Variants in ACKR3 observed in about 807,000 individuals in gnomAD.
ACKR3 encodes the protein atypical chemokine receptor 3.
In ACKR3, 6 loss-of-function variants were observed where a neutral mutation model predicts 22.4. The observed-to-expected ratio is 0.27, with a 90% confidence interval of 0.15 to 0.53. ACKR3 has a LOEUF of 0.53. ACKR3 is among the 20% of genes least tolerant of loss of function. The pLI is 0.96. For missense variants in ACKR3, 396 were observed against 475.2 expected, an observed-to-expected ratio of 0.83 and a Z score of 1.55; for synonymous variants, 209 against 205.2, an observed-to-expected ratio of 1.02 and a Z score of -0.16.
At chr2:236,541,986 G>C in the ACKR3 span, among the ~76,000 whole-genome samples, 2 of 152,024 alleles carry the variant, frequency 1.3e-5, no homozygotes, top group Non-Finnish European at 2.9e-5. Context: ...ACAGTCTTGA[G>C]TATGTCTTTA....
chr2:236,545,144 G>A, the ACKR3 span, among the ~76,000 whole-genome samples: 2 of 152,274 alleles, frequency 1.3e-5, no homozygotes, highest in African/African-American at 2.4e-5. This position sits in a 1 kb window ranked among gnomAD's most constrained non-coding sequence, Gnocchi z 5.3. Flanking sequence ...GGGACACCCC[G>A]GGTCCTTTCT....
the ACKR3 span, among the ~76,000 whole-genome samples, chr2:236,542,222 T>C: frequency 6.6e-6 from 1 of 152,250 alleles, no homozygotes; most frequent in African/African-American, 2.4e-5. Context: ...CCATGTTCAG[T>C]GACATCATGT....
rs755913112 is a variant in ACKR3, at chr2:236,581,456, A to G, written c.991A>G (p.Ile331Val). Residue 331 changes from isoleucine (I) to valine (V), a missense_variant, in exon 2 of 2, where the codon ATC becomes GTC. Coordinates refer to ENST00000272928, the MANE Select transcript of ACKR3 (RefSeq NM_020311.3). This position sits in a 1 kb window ranked among gnomAD's most constrained non-coding sequence, Gnocchi z 4.4. Reference sequence around the variant, plus strand: ...CAGGTACGAGCTGATGAAGGCCTTCATCTTCAAGTACTCGGCCAAAACAGG... The same window carrying G: ...CAGGTACGAGCTGATGAAGGCCTTCGTCTTCAAGTACTCGGCCAAAACAGG... ...NYRYELMKAFIFKYSAKTGLT... is the reference protein window; with the variant it reads ...NYRYELMKAFVFKYSAKTGLT... 1.9e-6 allele frequency: 3 copies of G among 1,613,968 alleles called. No individual in the cohort carries two copies. The highest frequency in any genetic ancestry group is 1.7e-5 in the Admixed American group (1 of 59,998).
chr2:236,540,526 T>C, the ACKR3 span, among the ~76,000 whole-genome samples: 1 of 152,224 alleles, frequency 6.6e-6, no homozygotes, highest in African/African-American at 2.4e-5. Flanking sequence ...CTCAAATTTG[T>C]CATTTTTTAC....
the ACKR3 span, among the ~76,000 whole-genome samples, chr2:236,546,613 G>A: frequency 6.6e-6 from 1 of 152,210 alleles, no homozygotes; most frequent in Non-Finnish European, 1.5e-5. The surrounding 1 kb of genome is among the most constrained non-coding windows in gnomAD (Gnocchi z 4.9). Flanking sequence ...CCTGCCTGAA[G>A]CTTTACTCAC....
At chr2:236,538,459 C>A in the ACKR3 span, among the ~76,000 whole-genome samples, 167 of 152,322 alleles carry the variant, frequency 1.1e-3, 1 homozygote, top group African/African-American at 3.7e-3. Flanking sequence ...ACCACCCTGA[C>A]CTTGGATGGA....
chr2:236,561,512 C>T, the ACKR3 span, among the ~76,000 whole-genome samples: 7 of 145,806 alleles, frequency 4.8e-5, no homozygotes, highest in Admixed American at 2.7e-4. Context: ...ACACAATTGA[C>T]TTTTTTTTTT....
chr2:236,540,224 G>T, the ACKR3 span, among the ~76,000 whole-genome samples: 3 of 152,194 alleles, frequency 2.0e-5, no homozygotes, highest in African/African-American at 7.2e-5. Context: ...AGTTATTGTA[G>T]TAATTGTAAA....
At chr2:236,561,493 T>C in the ACKR3 span, among the ~76,000 whole-genome samples, 1 of 152,134 alleles carries the variant, frequency 6.6e-6, no homozygotes, top group African/African-American at 2.4e-5. Flanking sequence ...TTCAAGGTGA[T>C]ATATACAAAC....
Position 236,580,716 on chromosome 2 carries a change from T to C in ACKR3, c.251T>C (p.Leu84Ser). The change falls in exon 2 of 2, where the codon TTG becomes TCG. Residue 84 changes from leucine (L) to serine (S), a missense_variant. Physicochemically the swap from Leu to Ser is moderately radical, Grantham distance 145. Transcript: ENST00000272928. ...GGCTATGACACGCACTGCTACATCT[T>C]GAACCTGGCCATTGCCGACCTGTGG... ...TTGYDTHCYI[L>S]NLAIADLWVV... 6.2e-7 allele frequency: 1 copy of C among 1,614,148 alleles called. No individual in the cohort carries two copies. Among genetic ancestry groups the C allele is most frequent in the Non-Finnish European group, 8.5e-7 (1 of 1,180,020 alleles).
At position 236,577,737 on chromosome 2, in the gene ACKR3, C is replaced by T. The variant is rs1309110139; in HGVS notation, c.-26-2703C>T. On this transcript the variant is annotated intron_variant, in intron 1 of 1. Coordinates refer to ENST00000272928, the MANE Select transcript of ACKR3 (RefSeq NM_020311.3). The surrounding 1 kb of genome is among the most constrained non-coding windows in gnomAD (Gnocchi z 5.6). ...AGAGAGGTGGGGCGGATTCGGGATCCAAGTTCGGGCGAACAAAGACTGAGG... is the reference window on the plus strand; with the variant it reads ...AGAGAGGTGGGGCGGATTCGGGATCTAAGTTCGGGCGAACAAAGACTGAGG... Among the ~76,000 whole-genome samples the T allele has an allele frequency of 6.6e-6, 1 of 152,190 alleles. No homozygotes were observed. The highest frequency in any genetic ancestry group is 2.4e-5 in the African/African-American group (1 of 41,446).
chr2:236,572,257 T>C (rs1488054176), intron 1 of ACKR3, among the ~76,000 whole-genome samples: 1 of 152,182 alleles, frequency 6.6e-6, no homozygotes, highest in East Asian at 1.9e-4. Context: ...ATTAAAGTGA[T>C]CAGGGAATTG....
chr2:236,573,475 C>CTGG (rs1691350347), intron 1 of ACKR3, among the ~76,000 whole-genome samples: 1 of 152,094 alleles, frequency 6.6e-6, no homozygotes. Flanking sequence ...GGTGTGCAAA[C>CTGG]AGTGAGGGCC....
chr2:236,566,164 G>A (rs1392592113), upstream of ACKR3, among the ~76,000 whole-genome samples: 9 of 152,214 alleles, frequency 5.9e-5, no homozygotes, highest in East Asian at 1.7e-3. Flanking sequence ...CACATCTACA[G>A]GCGAATCAGA....
At chr2:236,579,146 G>GGCTTTGCATACCGCTAGC (rs1691470971) in intron 1 of ACKR3, among the ~76,000 whole-genome samples, 1 of 152,132 alleles carries the variant, frequency 6.6e-6, no homozygotes, top group Non-Finnish European at 1.5e-5. Context: ...TCCCAGCTGT[G>GGCTTTGCATACCGCTAGC]GCTTTGCATA....
Position 236,581,393 on chromosome 2 carries a change from G to C in ACKR3, c.928G>C (p.Val310Leu), listed in dbSNP as rs759852543. The C allele has an allele frequency of 6.2e-7, 1 of 1,614,030 alleles. No homozygotes were observed. The highest frequency in any genetic ancestry group is 8.5e-7 in the Non-Finnish European group (1 of 1,180,048). The change falls in exon 2 of 2, where the codon GTC (valine) becomes CTC (leucine). Residue 310 changes from valine (V) to leucine (L), a missense_variant. Val to Leu is a conservative substitution (Grantham distance 32, BLOSUM62 1). Coordinates refer to ENST00000272928, the MANE Select transcript of ACKR3 (RefSeq NM_020311.3). The surrounding 1 kb of genome is among the most constrained non-coding windows in gnomAD (Gnocchi z 4.4). ...TQCLSLVHCC[V>L]NPVLYSFINR... ...GTGCCTGTCGCTGGTGCACTGCTGCGTCAACCCTGTCCTCTACAGCTTCAT... is the reference window on the plus strand; with the variant it reads ...GTGCCTGTCGCTGGTGCACTGCTGCCTCAACCCTGTCCTCTACAGCTTCAT...
At chr2:236,540,899 A>C in the ACKR3 span, among the ~76,000 whole-genome samples, 1 of 152,248 alleles carries the variant, frequency 6.6e-6, no homozygotes, top group South Asian at 2.1e-4. Flanking sequence ...GTAACTTTAT[A>C]GTAAGTATTT....
intron 1 of ACKR3, among the ~76,000 whole-genome samples, chr2:236,578,549 G>A (rs528660098): frequency 4.6e-5 from 7 of 152,254 alleles, no homozygotes; most frequent in South Asian, 2.1e-4. Context: ...TCTGTCAGCC[G>A]TGGAGGACAC....
At chr2:236,537,200 T>C in the ACKR3 span, among the ~76,000 whole-genome samples, 1 of 152,170 alleles carries the variant, frequency 6.6e-6, no homozygotes, top group Non-Finnish European at 1.5e-5. Context: ...CTACTAATCC[T>C]GATTGGATTC....
Sources: gnomAD v4.1 joint callset for allele counts (sites outside exome capture counted in the v4.1 genomes callset) on GRCh38, gnomAD v4.1.1 for gene constraint, Gnocchi (gnomAD v3.1) non-coding constraint, MANE v1.5 for transcripts, NCBI Gene and HGNC (gene_info 2026-07-23, HGNC 2026-07-21) for gene names.